PDE1A: variants seen among roughly 807,000 people sequenced by gnomAD.
The protein encoded by PDE1A is dual specificity calcium/calmodulin-dependent 3',5'-cyclic nucleotide phosphodiesterase 1A.
Under a neutral mutation model 61.7 loss-of-function variants are expected in PDE1A, and 35 were observed. The observed-to-expected ratio is 0.57, with a 90% CI of 0.43 to 0.75. The LOEUF (loss-of-function observed/expected upper bound fraction) is 0.75, where lower values mean the gene tolerates loss of function less well. Ranked by LOEUF, PDE1A falls within the 30% of genes least tolerant of loss-of-function variation. The pLI is 0.00. For synonymous variants in PDE1A, 232 were observed against 213.2 expected (o/e 1.09, Z -0.77); for missense variants, 597 against 630.6 (o/e 0.95, Z 0.57).
In PDE1A at chr2:182,244,204, T is replaced by C. The variant is rs542296348; in HGVS notation, c.168-3912A>G. ...TATTAATGTTTTCTCAGACTATACA[T>C]TTTTTTCTGTTCCATTTGTTTGGTT... is the stretch of plus-strand genomic sequence containing the variant. On this transcript the variant is annotated intron_variant, in intron 2 of 13. Coordinates refer to ENST00000351439, the Ensembl canonical transcript of PDE1A. Among the ~76,000 whole-genome samples, 4 of 151,068 alleles carry C rather than the reference T, an allele frequency of 2.6e-5. No homozygotes were observed. The South Asian group carries it at 8.3e-4, about 31-fold the overall frequency.
the PDE1A span, among the ~76,000 whole-genome samples, chr2:182,652,096 T>A: frequency 1.3e-5 from 2 of 152,212 alleles, no homozygotes; most frequent in African/African-American, 4.8e-5. Flanking sequence ...AGGTATGTTT[T>A]CTGTTTTTCA....
At chr2:182,170,113 T>A (rs1269524822) in intron 13 of PDE1A, among the ~76,000 whole-genome samples, 2 of 152,036 alleles carry the variant, frequency 1.3e-5, no homozygotes, top group Non-Finnish European at 2.9e-5. Flanking sequence ...AACCAACCCA[T>A]CATAATTAAC....
At chr2:182,251,473 G>C in intron 2 of PDE1A, among the ~76,000 whole-genome samples, 1 of 152,250 alleles carries the variant, frequency 6.6e-6, no homozygotes, top group Middle Eastern at 3.4e-3. Context: ...CACTAGACCA[G>C]AAGAATTAGC....
rs1157048696 is a variant in PDE1A at position 182,426,572 on chromosome 2, A to T, written c.53+6T>A. ...CTAGAGCCACCTGCGATGTAGCATT[A>T]CTTACCTAAAGATGGGTCTTTGGAG... On this transcript the variant is annotated splice_donor_region_variant and intron_variant, in intron 1 of 13. Coordinates refer to ENST00000351439, the Ensembl canonical transcript of PDE1A. 2 of 1,589,364 alleles carry T rather than the reference A, an allele frequency of 1.3e-6. No homozygotes were observed. Among genetic ancestry groups the T allele is most frequent in the Non-Finnish European group, 8.6e-7 (1 of 1,158,728 alleles).
At chr2:182,203,140 C>T (rs1686805820) in intron 8 of PDE1A, among the ~76,000 whole-genome samples, 4 of 152,092 alleles carry the variant, frequency 2.6e-5, no homozygotes, top group Admixed American at 2.6e-4. Context: ...ACGGTGAAAC[C>T]CCGTCTCTAC....
At chr2:182,484,297 A>G (rs1410818643) in intron 2 of PDE1A, among the ~76,000 whole-genome samples, 1 of 152,052 alleles carries the variant, frequency 6.6e-6, no homozygotes, top group East Asian at 1.9e-4. Context: ...ATAGAACAAT[A>G]CTTTTCATAA....
At chr2:182,614,121 T>C in the PDE1A span, among the ~76,000 whole-genome samples, 2 of 152,246 alleles carry the variant, frequency 1.3e-5, no homozygotes, top group Non-Finnish European at 2.9e-5. Context: ...TCAATTTATG[T>C]ATATTTTATT....
At chr2:182,515,745 A>G (rs1690091552) in intron 2 of PDE1A, among the ~76,000 whole-genome samples, 1 of 152,226 alleles carries the variant, frequency 6.6e-6, no homozygotes, top group Non-Finnish European at 1.5e-5. Context: ...TTTCCAAGAA[A>G]GATCACATTC....
the PDE1A span, among the ~76,000 whole-genome samples, chr2:182,659,655 T>C: frequency 1.3e-5 from 2 of 152,232 alleles, no homozygotes; most frequent in African/African-American, 2.4e-5. Flanking sequence ...AATTCCTTGG[T>C]TGGATTCCCA....
At chr2:182,319,986 G>A (rs1167959864) in intron 1 of PDE1A, among the ~76,000 whole-genome samples, 3 of 152,062 alleles carry the variant, frequency 2.0e-5, no homozygotes, top group Non-Finnish European at 2.9e-5. Context: ...GCATTCTCTG[G>A]TGGATTTAAA....
intron 2 of PDE1A, among the ~76,000 whole-genome samples, chr2:182,511,970 G>T (rs1689826010): frequency 6.6e-6 from 1 of 152,044 alleles, no homozygotes; most frequent in Non-Finnish European, 1.5e-5. Context: ...CAACATACAT[G>T]CGTGGACCAC....
chr2:182,229,569 C>T (rs185703156), intron 6 of PDE1A, among the ~76,000 whole-genome samples: 1 of 152,142 alleles, frequency 6.6e-6, no homozygotes, highest in East Asian at 1.9e-4. Flanking sequence ...AATAATTTCC[C>T]CAAATCCCTA....
At chr2:182,399,311 T>C (rs1436099831) in intron 1 of PDE1A, among the ~76,000 whole-genome samples, 1 of 152,024 alleles carries the variant, frequency 6.6e-6, no homozygotes, top group East Asian at 1.9e-4. Flanking sequence ...GTGTCATTAC[T>C]CACCATCAAA....
chr2:182,422,141 C>T (rs1245246928), intron 1 of PDE1A, among the ~76,000 whole-genome samples: 3 of 152,144 alleles, frequency 2.0e-5, no homozygotes, highest in Non-Finnish European at 4.4e-5. Flanking sequence ...CAGACTTGTT[C>T]TCAATTACAG....
chr2:182,527,796 T>A (rs377112799), upstream of PDE1A, among the ~76,000 whole-genome samples: 18 of 152,070 alleles, frequency 1.2e-4, no homozygotes, highest in East Asian at 3.3e-3. Context: ...ATAGGGGTGG[T>A]TTCCCTTACA....
the PDE1A span, among the ~76,000 whole-genome samples, chr2:182,670,755 T>C: frequency 2.0e-5 from 3 of 152,256 alleles, no homozygotes; most frequent in East Asian, 5.8e-4. Context: ...CTGAGAAATC[T>C]TGTTGATGTG....
the PDE1A span, among the ~76,000 whole-genome samples, chr2:182,644,706 T>C: frequency 2.2e-4 from 34 of 152,198 alleles, no homozygotes; most frequent in East Asian, 6.2e-3. Context: ...TTCAGAGGAC[T>C]GTGGTGATGA....
At chr2:182,229,080 C>G (rs912831113) in intron 6 of PDE1A, among the ~76,000 whole-genome samples, 3 of 152,084 alleles carry the variant, frequency 2.0e-5, no homozygotes, top group Admixed American at 2.0e-4. Context: ...TTGATTTTCT[C>G]TATTTACCAA....
At chr2:182,538,355 T>C in the PDE1A span, among the ~76,000 whole-genome samples, 1 of 152,128 alleles carries the variant, frequency 6.6e-6, no homozygotes, top group Non-Finnish European at 1.5e-5. Context: ...GTGTTTGAAA[T>C]AAAGTAAGTG....
Sources: gnomAD v4.1 joint callset for allele counts (sites outside exome capture counted in the v4.1 genomes callset) on GRCh38, gnomAD v4.1.1 for gene constraint, MANE v1.5 for transcripts, NCBI Gene and HGNC (gene_info 2026-07-23, HGNC 2026-07-21) for gene names.